CBL: variants seen among roughly 807,000 people sequenced by gnomAD.
CBL encodes the protein Cbl proto-oncogene, also known as E3 ubiquitin-protein ligase CBL.
A neutral mutation model predicts 96.9 loss-of-function variants in CBL; 45 were observed. That is an observed-to-expected ratio of 0.46 (90% CI 0.37 to 0.60). The LOEUF (loss-of-function observed/expected upper bound fraction) is 0.60, where lower values mean the gene tolerates loss of function less well. CBL is among the 20% of genes least tolerant of loss of function. The pLI, the probability that CBL is intolerant of heterozygous loss-of-function variation, is 0.00. For missense variants in CBL, 1,024 were observed against 1,143.5 expected, an observed-to-expected ratio of 0.90 and a Z score of 1.51; for synonymous variants, 420 against 426.8, an observed-to-expected ratio of 0.98 and a Z score of 0.20.
rs768065878 is a variant in CBL at position 119,296,920 on chromosome 11, C to T, written c.2039C>T (p.Pro680Leu). 1.3e-6 allele frequency: 2 copies of T among 1,518,514 alleles called. No individual in the cohort carries two copies. Among genetic ancestry groups the T allele is most frequent in the South Asian group, 2.2e-5 (2 of 89,044 alleles). 94.1% of individuals were successfully genotyped at this position (1,518,514 alleles called of 1,614,324 possible). A position where few individuals can be genotyped will look rare whatever the true frequency, so the allele number is the denominator to read the frequency against. The change falls in exon 13 of 16, where the codon CCT becomes CTT. Residue 680 changes from proline to leucine, a missense_variant and splice_region_variant. By Grantham distance (98) the Pro-to-Leu change is moderately conservative. Coordinates refer to ENST00000264033, the MANE Select transcript of CBL (RefSeq NM_005188.4). ...ANAIYSLAAR[P>L]LPVPKLPPGE... The stretch of plus-strand genomic sequence containing the variant: ...ATTTTTTATTCTTCATCTTCCAGAC[C>T]TCTTCCTGTGCCAAAACTGCCACCT...
chr11:119,250,089 T>G (rs1430885421), intron 2 of CBL, among the ~76,000 whole-genome samples: 1 of 152,098 alleles, frequency 6.6e-6, no homozygotes, highest in Non-Finnish European at 1.5e-5. Context: ...CCAGACATCG[T>G]TAATCTTACC....
chr11:119,232,326 T>C (rs1262909248), intron 1 of CBL, 122 bp from the exon 2 acceptor site: 5 of 1,082,636 alleles, frequency 4.6e-6, no homozygotes, highest in Non-Finnish European at 6.9e-6. Context: ...CTGCTTCTTA[T>C]ATTCTCATGT....
intron 2 of CBL, among the ~76,000 whole-genome samples, chr11:119,252,065 T>C (rs1229290047): frequency 6.6e-6 from 1 of 152,148 alleles, no homozygotes; most frequent in Non-Finnish European, 1.5e-5. Context: ...CTCTTATTTG[T>C]TGTGATTTGA....
chr11:119,282,873 C>G (rs1449536910), intron 9 of CBL, among the ~76,000 whole-genome samples: 1 of 151,828 alleles, frequency 6.6e-6, no homozygotes, highest in Non-Finnish European at 1.5e-5. Flanking sequence ...CACTTTAGCC[C>G]AGAGGTTTGA....
At chr11:119,283,625 C>CTTTCTTTTTTTTTT (rs1949955222) in intron 9 of CBL, among the ~76,000 whole-genome samples, 1 of 45,512 alleles carries the variant, frequency 2.2e-5, no homozygotes, top group African/African-American at 7.8e-5. Context: ...TTAATTCTTT[C>CTTTCTTTTTTTTTT]TTTTTTTTTT....
At chr11:119,259,034 T>TACA (rs1309649082) in intron 2 of CBL, among the ~76,000 whole-genome samples, 3 of 152,206 alleles carry the variant, frequency 2.0e-5, no homozygotes, top group Non-Finnish European at 2.9e-5. Flanking sequence ...TGTGTTGTTT[T>TACA]CTTTCAGCTA....
intron 1 of CBL, among the ~76,000 whole-genome samples, chr11:119,207,720 G>T (rs575829484): frequency 5.6e-4 from 85 of 152,188 alleles, no homozygotes; most frequent in Admixed American, 8.5e-4. Flanking sequence ...TAATTACTTT[G>T]ACAAAATTCA....
chr11:119,288,157 A>C (rs981627840), intron 12 of CBL, among the ~76,000 whole-genome samples: 1 of 151,994 alleles, frequency 6.6e-6, no homozygotes, highest in Non-Finnish European at 1.5e-5. Context: ...GGGCCTGTCA[A>C]TTTTATTAAT....
chr11:119,294,863 T>TACTACCTAGA (rs11283646), intron 12 of CBL, among the ~76,000 whole-genome samples: 90,465 of 151,506 alleles, frequency 0.6, 27,980 homozygotes, highest in East Asian at 0.88. Flanking sequence ...CCTGTAATCC[T>TACTACCTAGA]ATCAGACAAT....
chr11:119,306,761 T>C lies in CBL; in HGVS notation c.*6980T>C, dbSNP rs886047808. On this transcript the variant is annotated 3_prime_UTR_variant, in exon 16 of 16. Coordinates refer to ENST00000264033, the MANE Select transcript of CBL (RefSeq NM_005188.4). ...GTAAATGCCTCCTGACCTACCCTGC[T>C]CAGCACTGTTCTAGTGTCTTGGCCT... The C allele has an allele frequency of 2.5e-5, 6 of 239,916 alleles. No individual in the cohort carries two copies. Among genetic ancestry groups the C allele is most frequent in the Non-Finnish European group, 4.9e-5 (6 of 122,692 alleles). The allele number at this position is 239,916 out of a possible 1,614,324, so 14.9% of individuals were successfully genotyped here. A position where few individuals can be genotyped will look rare whatever the true frequency, so the allele number is the denominator to read the frequency against.
rs548423757 is a variant in CBL, at chr11:119,278,608, G to A, written c.1326G>A (p.Leu442=). Residue 442 remains leucine (L), a synonymous_variant, in exon 9 of 16, where the codon CTG becomes CTA. Transcript: ENST00000264033. Reference sequence around the variant, plus strand: ...TTGATCCTAGAGGGAGTGGCAGCCTGTTGAGGCAAGGAGCAGAGGGAGCTC... The same window carrying A: ...TTGATCCTAGAGGGAGTGGCAGCCTATTGAGGCAAGGAGCAGAGGGAGCTC... ...DPFDPRGSGS[L]LRQGAEGAPS... is the part of the protein sequence containing the mutation. 8.1e-6 allele frequency: 13 copies of A among 1,613,962 alleles called. 1 individual carries two copies. The African/African-American group carries it at 1.3e-4, about 17-fold the overall frequency.
At chr11:119,266,165 G>A (rs190950141) in intron 2 of CBL, among the ~76,000 whole-genome samples, 7 of 152,176 alleles carry the variant, frequency 4.6e-5, no homozygotes, top group Admixed American at 4.6e-4. Context: ...GTTAATAAAT[G>A]CGTCTTTAAT....
rs1221416545 is a variant in CBL, at chr11:119,307,395, C to G, written c.*7614C>G. 4.3e-6 allele frequency: 1 copy of G among 233,064 alleles called. No homozygotes were observed. The highest frequency in any genetic ancestry group is 8.5e-6 in the Non-Finnish European group (1 of 117,794). The allele number at this position is 233,064 out of a possible 1,614,324, so 14.4% of individuals were successfully genotyped here. A position where few individuals can be genotyped will look rare whatever the true frequency, so the allele number is the denominator to read the frequency against. On this transcript the variant is annotated 3_prime_UTR_variant, in exon 16 of 16. Transcript: ENST00000264033. ...GGGGAGGTTGGTGGCTTTGTCTTTT[C>G]TTTTTGCTGGATCCTGAACTGGTCT...
In CBL at chr11:119,284,960, G is replaced by T. The variant is rs1056510419; in HGVS notation, c.1432-9G>T. ...GAAAGTAATCTGTTAAATTTTTTAT[G>T]TACCCTAGGTGGAACGGCCGCCTTC... On this transcript the variant is annotated splice_polypyrimidine_tract_variant and intron_variant, in intron 9 of 15. Transcript: ENST00000264033. The T allele has an allele frequency of 2.4e-5, 39 of 1,613,852 alleles. No individual in the cohort carries two copies. The highest frequency in any genetic ancestry group is 3.1e-5 in the Non-Finnish European group (37 of 1,180,014).
intron 2 of CBL, among the ~76,000 whole-genome samples, chr11:119,256,336 C>T (rs1313073443): frequency 6.6e-6 from 1 of 151,884 alleles, no homozygotes; most frequent in South Asian, 2.1e-4. Context: ...TCCGCCGCTA[C>T]GCCCAGCTAA....
In CBL at chr11:119,271,825, A is replaced by G. The variant is rs1346848498; in HGVS notation, c.534A>G (p.Thr178=). The change falls in exon 3 of 16, where the codon ACA becomes ACG. Residue 178 remains threonine (T), a synonymous_variant. Transcript: ENST00000264033. ...CAAGTGGACTCTTTCAGGGAGACAC[A>G]TTTCGGATTACTAAAGCAGATGCTG... ...IFPSGLFQGD[T]FRITKADAAE... 7 of 1,613,996 alleles carry G rather than the reference A, an allele frequency of 4.3e-6. No individual in the cohort carries two copies. In the East Asian group the frequency reaches 1.1e-4, roughly 26 times the overall value.
chr11:119,267,789 C>T (rs530470404), intron 2 of CBL, among the ~76,000 whole-genome samples: 3 of 152,312 alleles, frequency 2.0e-5, no homozygotes, highest in African/African-American at 4.8e-5. Flanking sequence ...TTTTGCCGTT[C>T]GCTTGGCCCA....
intron 2 of CBL, among the ~76,000 whole-genome samples, chr11:119,263,794 G>A (rs1356645295): frequency 2.6e-5 from 4 of 152,168 alleles, no homozygotes; most frequent in East Asian, 3.8e-4. Flanking sequence ...AGCAGAGGAT[G>A]CTGCTATTGA....
Position 119,285,064 on chromosome 11 carries a change from T to G in CBL, c.1527T>G (p.Val509=). The G allele has an allele frequency of 6.2e-7, 1 of 1,614,184 alleles. No homozygotes were observed. Among genetic ancestry groups the G allele is most frequent in the Non-Finnish European group, 8.5e-7 (1 of 1,180,024 alleles). ...ACCTTCTGCCGCAGCGAGTATGTGTTCCCTCAAGTGCTTCTGCTCTTGGAA... is the reference window on the plus strand; with the variant it reads ...ACCTTCTGCCGCAGCGAGTATGTGTGCCCTCAAGTGCTTCTGCTCTTGGAA... The part of the protein sequence containing the change: ...RLDLLPQRVC[V]PSSASALGTA... The change falls in exon 10 of 16, where the codon GTT becomes GTG. Residue 509 remains valine, a synonymous_variant. Transcript: ENST00000264033.
Sources: gnomAD v4.1 joint callset for allele counts (sites outside exome capture counted in the v4.1 genomes callset) on GRCh38, gnomAD v4.1.1 for gene constraint, MANE v1.5 for transcripts, NCBI Gene and HGNC (gene_info 2026-07-23, HGNC 2026-07-21) for gene names.